CADPS: variants seen among roughly 807,000 people sequenced by gnomAD.
CADPS encodes calcium dependent secretion activator.
A neutral mutation model predicts 167.3 loss-of-function variants in CADPS; 57 were observed. That is an observed-to-expected ratio of 0.34 (90% CI 0.28 to 0.42). The LOEUF (loss-of-function observed/expected upper bound fraction) is 0.42. CADPS is among the 20% of genes least tolerant of loss of function. The pLI is 1.00. For missense variants in CADPS, 1,414 were observed against 1,738.1 expected, an observed-to-expected ratio of 0.81 and a Z score of 3.32; for synonymous variants, 676 against 635.3, an observed-to-expected ratio of 1.06 and a Z score of -0.96.
intron 1 of CADPS, among the ~76,000 whole-genome samples, chr3:62,771,067 A>G (rs1485505007): frequency 6.6e-6 from 1 of 152,202 alleles, no homozygotes; most frequent in Non-Finnish European, 1.5e-5. Flanking sequence ...AATTATACCT[A>G]CTTTTCATTA....
In CADPS at chr3:62,753,670, C is replaced by A. The variant is rs776247631; in HGVS notation, c.659G>T (p.Arg220Leu). The change falls in exon 3 of 30, where the codon CGC becomes CTC. Residue 220 changes from arginine to leucine, a missense_variant. By Grantham distance (102) the Arg-to-Leu change is moderately radical (BLOSUM62 -2). Around this residue, in one of 6 missense-constraint regions of CADPS, gnomAD observed 522 missense variants for 559.5 expected, o/e 0.93. Coordinates refer to ENST00000383710, the MANE Select transcript of CADPS (RefSeq NM_003716.4). This position sits in a 1 kb window ranked among gnomAD's most constrained non-coding sequence, Gnocchi z 4.6. ...GAGGCCGTCAATCTCAGGCAGGCTG[C>A]GCACTCTCTTCTCAATGTGCTTCTT... ...VFKKHIEKRV[R>L]SLPEIDGLSK... 6.2e-7 allele frequency: 1 copy of A among 1,614,142 alleles called. No individual in the cohort carries two copies. Among genetic ancestry groups the A allele is most frequent in the Non-Finnish European group, 8.5e-7 (1 of 1,180,026 alleles).
At chr3:62,576,518 C>T (rs537597082) in intron 8 of CADPS, among the ~76,000 whole-genome samples, 16 of 151,578 alleles carry the variant, frequency 1.1e-4, no homozygotes, top group South Asian at 4.2e-4. Flanking sequence ...GCAGTCCTCA[C>T]GGTGGCTCAC....
intron 1 of CADPS, among the ~76,000 whole-genome samples, chr3:62,803,609 G>C (rs2093913669): frequency 6.6e-6 from 1 of 152,012 alleles, no homozygotes; most frequent in Non-Finnish European, 1.5e-5. Flanking sequence ...TACCCTCCTT[G>C]TGCCTCCACT....
chr3:62,496,724 C>A (rs1226991422), intron 18 of CADPS, among the ~76,000 whole-genome samples: 2 of 152,176 alleles, frequency 1.3e-5, no homozygotes, highest in African/African-American at 4.8e-5. Flanking sequence ...AGCCAAACTT[C>A]TCTGGCACAG....
intron 1 of CADPS, among the ~76,000 whole-genome samples, chr3:62,794,996 C>A (rs2093300223): frequency 6.6e-6 from 1 of 152,098 alleles, no homozygotes; most frequent in Non-Finnish European, 1.5e-5. Context: ...CCTTTCTCTG[C>A]AGGCTGCTGA....
At chr3:62,692,806 A>G (rs1362235314) in intron 3 of CADPS, among the ~76,000 whole-genome samples, 2 of 152,016 alleles carry the variant, frequency 1.3e-5, no homozygotes, top group African/African-American at 4.8e-5. Context: ...AATTAGGATC[A>G]GTTTGAATTT....
intron 1 of CADPS, among the ~76,000 whole-genome samples, chr3:62,772,972 A>G (rs988187361): frequency 6.6e-5 from 10 of 152,184 alleles, no homozygotes; most frequent in African/African-American, 2.4e-4. Context: ...AATATAAGCC[A>G]TGCTTTTTCT....
chr3:62,576,500 T>A (rs2082288817), intron 8 of CADPS, among the ~76,000 whole-genome samples: 1 of 151,890 alleles, frequency 6.6e-6, no homozygotes, highest in Admixed American at 6.6e-5. Flanking sequence ...TTTGTAGTAT[T>A]AAAAATAGCA....
rs1216780632 is a variant in CADPS at position 62,509,304 on chromosome 3, A to G, written c.2599+3447T>C. Among the ~76,000 whole-genome samples, 8 of 138,996 alleles carry G rather than the reference A, an allele frequency of 5.8e-5. No homozygotes were observed. The East Asian group carries it at 8.2e-4, about 14-fold the overall frequency. The allele number at this position is 138,996 out of a possible 152,430, so 91.2% of individuals were successfully genotyped here. Reference sequence around the variant, plus strand: ...AAGACTCTGTCTCAAAAAAAAAAAAAAAAGAAAGAAAGAAAGAAAGAAATA... The same window carrying G: ...AAGACTCTGTCTCAAAAAAAAAAAAGAAAGAAAGAAAGAAAGAAAGAAATA... On this transcript the variant is annotated intron_variant, in intron 17 of 29. Coordinates refer to ENST00000383710, the MANE Select transcript of CADPS (RefSeq NM_003716.4).
In CADPS at chr3:62,536,495, C is replaced by T; in HGVS notation, c.2053G>A (p.Val685Ile). The T allele has an allele frequency of 6.2e-7, 1 of 1,613,360 alleles. No homozygotes were observed. Among genetic ancestry groups the T allele is most frequent in the African/African-American group, 1.3e-5 (1 of 74,992 alleles). ...NFDHASLFEM[V>I]QRLTLDHRLN... Reference sequence around the variant, plus strand: ...CTGTGATCCAAAGTAAGGCGTTGTACCATCTCAAAGAGGGAAGCGTGGTCA... The same window carrying T: ...CTGTGATCCAAAGTAAGGCGTTGTATCATCTCAAAGAGGGAAGCGTGGTCA... Residue 685 changes from valine to isoleucine, a missense_variant, in exon 12 of 30, where the codon GTA becomes ATA. By Grantham distance (29) the Val-to-Ile change is conservative. Transcript: ENST00000383710.
intron 10 of CADPS, 53 bp downstream of exon 10, chr3:62,557,352 A>T: frequency 8.2e-7 from 1 of 1,215,418 alleles, no homozygotes; most frequent in Non-Finnish European, 1.2e-6. Flanking sequence ...TTGACCATTG[A>T]TTTGGGAAGG....
intron 1 of CADPS, among the ~76,000 whole-genome samples, chr3:62,807,069 G>A (rs911676651): frequency 7.4e-4 from 113 of 152,134 alleles, no homozygotes; most frequent in African/African-American, 2.7e-3. Flanking sequence ...ATATATTATT[G>A]CACAAAACGG....
chr3:62,816,223 C>G (rs545486094), intron 1 of CADPS, among the ~76,000 whole-genome samples: 1 of 152,048 alleles, frequency 6.6e-6, no homozygotes, highest in Non-Finnish European at 1.5e-5. Context: ...AAATCCTTTC[C>G]CATTTTAACT....
chr3:62,544,094 CTG>C lies in CADPS; in HGVS notation c.1966+5807_1966+5808del, dbSNP rs771888322. Among the ~76,000 whole-genome samples the C allele has an allele frequency of 4.6e-5, 7 of 151,948 alleles. No homozygotes were observed. Among genetic ancestry groups the C allele is most frequent in the African/African-American group, 1.2e-4 (5 of 41,376 alleles). On this transcript the variant is annotated intron_variant, in intron 11 of 29. Coordinates refer to ENST00000383710, the MANE Select transcript of CADPS (RefSeq NM_003716.4). This position sits in a 1 kb window ranked among gnomAD's most constrained non-coding sequence, Gnocchi z 4.4. ...AGGTTAATACCTTGGCATTGTAAGACTGTGAATCCAAAGCATTTGTAAATGAG... is the reference window on the plus strand; with the variant it reads ...AGGTTAATACCTTGGCATTGTAAGACTGAATCCAAAGCATTTGTAAATGAG...
At chr3:62,416,454 A>T (rs2050077992) in intron 28 of CADPS, among the ~76,000 whole-genome samples, 1 of 152,190 alleles carries the variant, frequency 6.6e-6, no homozygotes, top group African/African-American at 2.4e-5. Context: ...ATATACTTGG[A>T]CTGGAAAGCT....
At chr3:62,451,405 A>T (rs890669125) in intron 26 of CADPS, among the ~76,000 whole-genome samples, 1 of 151,968 alleles carries the variant, frequency 6.6e-6, no homozygotes, top group Non-Finnish European at 1.5e-5. Flanking sequence ...TTGCTTCATT[A>T]GGGGAAAAAG....
At chr3:62,460,670 C>T (rs556467657) in intron 26 of CADPS, among the ~76,000 whole-genome samples, 1 of 152,318 alleles carries the variant, frequency 6.6e-6, no homozygotes, top group African/African-American at 2.4e-5. Context: ...GAGCTCTGCA[C>T]AAAAGCAGTC....
intron 8 of CADPS, among the ~76,000 whole-genome samples, chr3:62,580,618 G>GA (rs112178791): frequency 0.15 from 22,862 of 150,274 alleles, 2,380 homozygotes; most frequent in African/African-American, 0.3. Context: ...AAAGAGGCAA[G>GA]AAAAAAACCA....
chr3:62,780,053 C>T (rs2091255683), intron 1 of CADPS, among the ~76,000 whole-genome samples: 1 of 152,104 alleles, frequency 6.6e-6, no homozygotes. Flanking sequence ...GTTTATGGTA[C>T]TTTATTTCAT....
Sources: allele counts gnomAD v4.1 joint callset (sites outside exome capture counted in the v4.1 genomes callset), GRCh38; gene constraint gnomAD v4.1.1; regional missense constraint gnomAD v4.1.1; non-coding constraint Gnocchi (gnomAD v3.1); transcripts MANE v1.5; gene names NCBI Gene and HGNC (gene_info 2026-07-23, HGNC 2026-07-21).